The following PTPRN2 variants were observed in gnomAD, a reference collection of about 807,000 sequenced individuals.
PTPRN2 encodes the protein protein tyrosine phosphatase receptor type N2.
Under a neutral mutation model 118.8 loss-of-function variants are expected in PTPRN2, and 74 were observed. The ratio of observed to expected loss-of-function variants is 0.62; its 90% confidence interval spans 0.52 to 0.76. The LOEUF is 0.76. Among genes scored for constraint, PTPRN2 ranks in the 30% least tolerant of loss-of-function variants. The probability of loss-of-function intolerance (pLI) is 0.00; values close to 1 mark genes in which losing one functional copy is unlikely to be tolerated. For missense variants in PTPRN2, 1,481 were observed against 1,394.4 expected (o/e 1.06, Z -0.99); for synonymous variants, 641 against 608.0 (o/e 1.05, Z -0.80).
intron 19 of PTPRN2, among the ~76,000 whole-genome samples, chr7:157,572,589 G>T (rs1440520377): frequency 1.3e-5 from 2 of 152,222 alleles, no homozygotes; most frequent in Non-Finnish European, 2.9e-5. Flanking sequence ...ATACGGCGGA[G>T]CCCAAACCAC....
intron 2 of PTPRN2, among the ~76,000 whole-genome samples, chr7:158,414,691 G>A (rs547926568): frequency 1.3e-5 from 2 of 152,288 alleles, no homozygotes; most frequent in Non-Finnish European, 2.9e-5. Context: ...GCATTGTGCC[G>A]TGCCTCCCGC....
rs1242661945 is a variant in PTPRN2, at chr7:157,568,948, G to A, written c.2856C>T (p.Ser952=). The change falls in exon 21 of 23, where the codon AGC becomes AGT. Residue 952 remains serine (S), a synonymous_variant. Transcript: ENST00000389418. ...IVHCSDGAGR[S]GTYVLIDMVL... is the part of the protein sequence containing the mutation. ...CCATGTCGATCAGGACGTAGGTGCC[G>A]CTCCGGCCTGCACCGTCACTGCCAA... is the stretch of plus-strand genomic sequence containing the variant. 6 of 1,576,064 alleles carry A rather than the reference G, an allele frequency of 3.8e-6. No homozygotes were observed. The highest frequency in any genetic ancestry group is 1.1e-5 in the South Asian group (1 of 90,230).
intron 2 of PTPRN2, among the ~76,000 whole-genome samples, chr7:158,363,013 A>G (rs4909072): frequency 1 from 151,705 of 152,288 alleles, 75,566 homozygotes; most frequent in Middle Eastern, 1. Flanking sequence ...CCCATGATCC[A>G]TGGAACAGAG....
At chr7:157,621,635 G>A (rs1803254672) in intron 14 of PTPRN2, 126 bp from the exon 15 acceptor site, 2 of 1,219,982 alleles carry the variant, frequency 1.6e-6, no homozygotes, top group African/African-American at 3.0e-5. Context: ...ACGAGCCTGG[G>A]CCATGGTGCG....
intron 10 of PTPRN2, among the ~76,000 whole-genome samples, chr7:158,084,863 GC>G (rs1188846692): frequency 1.5e-5 from 2 of 129,098 alleles, no homozygotes; most frequent in African/African-American, 3.1e-5. Context: ...CATCCTTGAT[GC>G]CCATCCACAC....
chr7:158,329,449 G>T (rs544511102), intron 2 of PTPRN2, among the ~76,000 whole-genome samples: 2 of 152,172 alleles, frequency 1.3e-5, no homozygotes, highest in Non-Finnish European at 2.9e-5. Context: ...GCAGGCGGAC[G>T]GCTGAGAGGC....
intron 12 of PTPRN2, among the ~76,000 whole-genome samples, chr7:157,840,675 G>A (rs1367233648): frequency 2.0e-5 from 3 of 152,200 alleles, no homozygotes; most frequent in East Asian, 1.9e-4. Context: ...TGGATGACCC[G>A]ATGCTGACGC....
intron 9 of PTPRN2, among the ~76,000 whole-genome samples, chr7:158,122,409 G>A (rs1191397885): frequency 3.3e-5 from 5 of 152,134 alleles, no homozygotes; most frequent in Admixed American, 6.5e-5. Context: ...CCTCTTCCAC[G>A]GTGTCCTCTC....
At chr7:158,451,850 C>T (rs920054760) in intron 2 of PTPRN2, among the ~76,000 whole-genome samples, 1 of 152,136 alleles carries the variant, frequency 6.6e-6, no homozygotes, top group Non-Finnish European at 1.5e-5. Flanking sequence ...AATTCCATCG[C>T]AAAATTATTA....
intron 11 of PTPRN2, among the ~76,000 whole-genome samples, chr7:157,991,932 C>T (rs1024695260): frequency 6.6e-6 from 1 of 152,186 alleles, no homozygotes; most frequent in Non-Finnish European, 1.5e-5. Flanking sequence ...CCGTGCCCCT[C>T]GCAGGCCTGC....
chr7:157,809,016 G>C (rs1008379048), intron 12 of PTPRN2, among the ~76,000 whole-genome samples: 1 of 152,206 alleles, frequency 6.6e-6, no homozygotes, highest in Admixed American at 6.5e-5. Flanking sequence ...CCCGAAGTGT[G>C]CTGTGTCACT....
intron 6 of PTPRN2, among the ~76,000 whole-genome samples, chr7:158,157,875 T>G (rs943937455): frequency 6.6e-6 from 1 of 152,206 alleles, no homozygotes; most frequent in Admixed American, 6.5e-5. Context: ...AGCCCGGGAC[T>G]GTTTCGCTAG....
intron 12 of PTPRN2, among the ~76,000 whole-genome samples, chr7:157,873,208 G>A (rs1294842180): frequency 1.3e-5 from 2 of 152,196 alleles, no homozygotes; most frequent in African/African-American, 2.4e-5. Flanking sequence ...GGGAGGCTCC[G>A]ACTGTCTCTC....
intron 22 of PTPRN2, among the ~76,000 whole-genome samples, chr7:157,544,072 G>A (rs190120036): frequency 6.6e-6 from 1 of 151,632 alleles, no homozygotes; most frequent in African/African-American, 2.4e-5. Context: ...GAGAGAGGTG[G>A]AGAGAGACGG....
chr7:158,424,565 G>A (rs1208333096), intron 2 of PTPRN2, among the ~76,000 whole-genome samples: 5 of 152,210 alleles, frequency 3.3e-5, no homozygotes, highest in Non-Finnish European at 5.9e-5. Flanking sequence ...ATGTGTGTAC[G>A]GAACAGGCTC....
intron 11 of PTPRN2, among the ~76,000 whole-genome samples, chr7:157,915,928 C>G (rs1385874381): frequency 6.6e-6 from 1 of 152,178 alleles, no homozygotes; most frequent in Non-Finnish European, 1.5e-5. Context: ...CCCACATCTC[C>G]TAAGAAATCT....
At chr7:158,333,059 A>G (rs377212966) in intron 2 of PTPRN2, among the ~76,000 whole-genome samples, 1 of 120,358 alleles carries the variant, frequency 8.3e-6, no homozygotes, top group African/African-American at 3.9e-5. Flanking sequence ...CACTCTCACC[A>G]TAAGAAGTGA....
chr7:157,672,839 A>T (rs1024429595), intron 13 of PTPRN2, among the ~76,000 whole-genome samples: 1 of 152,252 alleles, frequency 6.6e-6, no homozygotes, highest in African/African-American at 2.4e-5. Flanking sequence ...ATTTTAAAAC[A>T]TGTAGCTTTA....
intron 2 of PTPRN2, among the ~76,000 whole-genome samples, chr7:158,343,213 C>CA (rs1287511353): frequency 2.0e-5 from 3 of 152,074 alleles, no homozygotes; most frequent in African/African-American, 7.2e-5. Context: ...ACAACAACAA[C>CA]AAAAAACCTG....
Sources: allele counts gnomAD v4.1 joint callset (sites outside exome capture counted in the v4.1 genomes callset), GRCh38; gene constraint gnomAD v4.1.1; transcripts MANE v1.5; gene names NCBI Gene and HGNC (gene_info 2026-07-23, HGNC 2026-07-21).